The following GLDC variants were observed in gnomAD, a reference collection of about 807,000 sequenced individuals.
GLDC encodes glycine decarboxylase.
Under a neutral mutation model 121.3 loss-of-function variants are expected in GLDC, and 104 were observed. The observed-to-expected ratio is 0.86, with a 90% CI of 0.73 to 1.01. The LOEUF (loss-of-function observed/expected upper bound fraction) is 1.01, where lower values mean the gene tolerates loss of function less well. GLDC is among the 50% of genes least tolerant of loss of function. The pLI is 0.00. For synonymous variants in GLDC, 546 were observed against 480.6 expected, an observed-to-expected ratio of 1.14 and a Z score of -1.78; for missense variants, 1,429 against 1,306.6, an observed-to-expected ratio of 1.09 and a Z score of -1.44.
At chr9:6,537,394 G>T (rs948795733) in intron 22 of GLDC, among the ~76,000 whole-genome samples, 5 of 152,166 alleles carry the variant, frequency 3.3e-5, no homozygotes, top group African/African-American at 1.2e-4. Flanking sequence ...AATGTGCAGT[G>T]GTTCTCAAAT....
chr9:6,572,670 T>G (rs1587936096), intron 15 of GLDC, among the ~76,000 whole-genome samples: 1 of 152,338 alleles, frequency 6.6e-6, no homozygotes, highest in East Asian at 1.9e-4. Flanking sequence ...ACAGTGAAGA[T>G]GGTGACTCTT....
intron 2 of GLDC, among the ~76,000 whole-genome samples, chr9:6,624,565 T>G (rs1267267371): frequency 6.6e-6 from 1 of 152,200 alleles, no homozygotes; most frequent in Non-Finnish European, 1.5e-5. Flanking sequence ...AACAGGTTCC[T>G]GTTGTTTTAA....
rs114851027 is a variant in GLDC, at chr9:6,643,107, A to C, written c.334+1507T>G. On this transcript the variant is annotated intron_variant, in intron 2 of 24. Transcript: ENST00000321612. ...GAGATGGGGTCTCGCAATATTGCCC[A>C]AACTGGTCTCAAACTGCTGGCCTCA... Among the ~76,000 whole-genome samples the C allele has an allele frequency of 9.4e-3, 1,425 of 152,112 alleles. 27 individuals carry two copies. The highest frequency in any genetic ancestry group is 0.032 in the African/African-American group (1,327 of 41,502).
intron 3 of GLDC, among the ~76,000 whole-genome samples, chr9:6,614,297 T>C (rs1371083735): frequency 1.3e-5 from 2 of 152,024 alleles, no homozygotes; most frequent in Non-Finnish European, 2.9e-5. Context: ...TGCAGTGGCC[T>C]GATCTTGGCT....
At position 6,560,237 on chromosome 9, in the gene GLDC, G is replaced by A. The variant is rs531643390; in HGVS notation, c.1927-1553C>T. On this transcript the variant is annotated intron_variant, in intron 16 of 24. Transcript: ENST00000321612. ...ATCCTCCTATTTTTTATCCCACAGAGAGATGGATGGGCATTATTGAAAATA... is the reference window on the plus strand; with the variant it reads ...ATCCTCCTATTTTTTATCCCACAGAAAGATGGATGGGCATTATTGAAAATA... 6.6e-5 allele frequency among the ~76,000 whole-genome samples: 10 copies of A among 152,290 alleles called. No homozygotes were observed. The East Asian group carries it at 1.7e-3, about 26-fold the overall frequency.
chr9:6,572,285 T>G (rs7030133), intron 15 of GLDC, among the ~76,000 whole-genome samples: 82,244 of 152,044 alleles, frequency 0.54, 22,721 homozygotes, highest in African/African-American at 0.59. Flanking sequence ...GAGCAGTAAG[T>G]ACAAATGCAA....
chr9:6,604,782 G>T lies in GLDC; in HGVS notation c.864C>A (p.Ser288Arg). Reference protein sequence around the residue: ...ELVERAHQSGSLACCATDLLA... With the variant: ...ELVERAHQSGRLACCATDLLA... Reference sequence around the variant, plus strand: ...AAAGGTCAGTAGCACAGCAGGCCAGGCTCTAGAAAGGAAGTGAGAGAAAAG... The same window carrying T: ...AAAGGTCAGTAGCACAGCAGGCCAGTCTCTAGAAAGGAAGTGAGAGAAAAG... Residue 288 changes from serine to arginine, a missense_variant and splice_region_variant, in exon 7 of 25, where the codon AGC becomes AGA. Ser to Arg is a moderately radical substitution (Grantham distance 110). Transcript: ENST00000321612. 1 of 1,613,066 alleles carries T rather than the reference G, an allele frequency of 6.2e-7. No homozygotes were observed. Among genetic ancestry groups the T allele is most frequent in the Non-Finnish European group, 8.5e-7 (1 of 1,179,042 alleles).
intron 2 of GLDC, among the ~76,000 whole-genome samples, chr9:6,628,586 T>C (rs1231167638): frequency 6.6e-6 from 1 of 152,000 alleles, no homozygotes; most frequent in Non-Finnish European, 1.5e-5. Context: ...AGCCCAGGAG[T>C]TCGAGCCTGA....
At chr9:6,620,444 C>G (rs1819068377) in intron 2 of GLDC, 125 bp from the exon 3 acceptor site, 4 of 822,194 alleles carry the variant, frequency 4.9e-6, no homozygotes, top group Non-Finnish European at 8.2e-6. Context: ...ATGTAAGAGT[C>G]ATCCATCCAA....
intron 6 of GLDC, 139 bp downstream of exon 6, chr9:6,604,992 G>C (rs7019544): frequency 4.0e-6 from 4 of 988,852 alleles, no homozygotes; most frequent in African/African-American, 3.2e-5. Flanking sequence ...GCAGCAAGGA[G>C]TCAGGAAGGA....
intron 4 of GLDC, among the ~76,000 whole-genome samples, chr9:6,608,927 C>T (rs942600367): frequency 1.3e-5 from 2 of 152,070 alleles, no homozygotes; most frequent in African/African-American, 2.4e-5. Context: ...TGAACCCACC[C>T]CCAACGGCTG....
At chr9:6,584,963 G>C (rs1212059760) in intron 15 of GLDC, 1 of 152,188 alleles carries the variant, frequency 6.6e-6, no homozygotes, top group Non-Finnish European at 1.5e-5. Context: ...AAAAACAGCG[G>C]AGAAATGTCT....
At position 6,554,646 on chromosome 9, in the gene GLDC, G is replaced by A. The variant is rs1031396184; in HGVS notation, c.2315+23C>T. 3.9e-6 allele frequency: 6 copies of A among 1,529,912 alleles called. No individual in the cohort carries two copies. In the Admixed American group the frequency reaches 6.7e-5, roughly 17 times the overall value. 94.8% of individuals were successfully genotyped at this position (1,529,912 alleles called of 1,614,324 possible). ...TTCATTCTGTCTCCAAAGCCATCCT[G>A]AAACCAGCAGCCCAGAACTTACACT... On this transcript the variant is annotated intron_variant, in intron 19 of 24. Coordinates refer to ENST00000321612, the MANE Select transcript of GLDC (RefSeq NM_000170.3).
At chr9:6,631,798 G>A (rs1461830815) in intron 2 of GLDC, among the ~76,000 whole-genome samples, 1 of 152,218 alleles carries the variant, frequency 6.6e-6, no homozygotes, top group East Asian at 1.9e-4. Flanking sequence ...TGGGCACAGT[G>A]GCTCATGCCT....
intron 3 of GLDC, among the ~76,000 whole-genome samples, chr9:6,614,503 G>C (rs1053152170): frequency 1.3e-5 from 2 of 151,628 alleles, no homozygotes; most frequent in Non-Finnish European, 2.9e-5. Flanking sequence ...CCAAAATGTT[G>C]GGAATACAGG....
At chr9:6,547,182 T>C (rs1050685530) in intron 21 of GLDC, among the ~76,000 whole-genome samples, 5 of 152,080 alleles carry the variant, frequency 3.3e-5, no homozygotes, top group Non-Finnish European at 7.4e-5. Context: ...AAGTTTAAAA[T>C]ATGAACAAAT....
At chr9:6,637,718 C>T (rs1412961735) in intron 2 of GLDC, among the ~76,000 whole-genome samples, 2 of 152,148 alleles carry the variant, frequency 1.3e-5, no homozygotes, top group African/African-American at 2.4e-5. Flanking sequence ...CCATCCGCCT[C>T]AGCCTCCCAA....
At chr9:6,540,284 G>GT in intron 21 of GLDC, 138 bp from the exon 22 acceptor site, 1 of 698,596 alleles carries the variant, frequency 1.4e-6, no homozygotes, top group Non-Finnish European at 2.6e-6. Flanking sequence ...TGGGCACCGG[G>GT]TAAGTTTATT....
chr9:6,613,776 T>C (rs1457368091), intron 3 of GLDC, among the ~76,000 whole-genome samples: 1 of 152,034 alleles, frequency 6.6e-6, no homozygotes, highest in Non-Finnish European at 1.5e-5. Context: ...ACTAGTTTTT[T>C]GGGGTTTTTA....
Sources: allele counts gnomAD v4.1 joint callset (sites outside exome capture counted in the v4.1 genomes callset), GRCh38; gene constraint gnomAD v4.1.1; transcripts MANE v1.5; gene names NCBI Gene and HGNC (gene_info 2026-07-23, HGNC 2026-07-21).